Variants in ADARB2 observed in about 807,000 individuals in gnomAD.
ADARB2 encodes inactive double-stranded RNA-specific editase B2.
In ADARB2, 25 loss-of-function variants were observed where a neutral mutation model predicts 62.2. The observed-to-expected ratio is 0.40, with a 90% CI of 0.29 to 0.56. The LOEUF is 0.56. ADARB2 is among the 20% of genes least tolerant of loss of function. The probability of loss-of-function intolerance (pLI) is 0.43; values close to 1 mark genes in which losing one functional copy is unlikely to be tolerated. For missense variants in ADARB2, 1,071 were observed against 1,077.4 expected (o/e 0.99, Z 0.08); for synonymous variants, 572 against 500.8 (o/e 1.14, Z -1.90).
chr10:1,241,847 G>GA (rs1291813923), intron 5 of ADARB2, among the ~76,000 whole-genome samples: 1 of 152,246 alleles, frequency 6.6e-6, no homozygotes, highest in African/African-American at 2.4e-5. Flanking sequence ...GAGGCCAGGA[G>GA]AGGGTGGCCT....
chr10:1,712,765 C>T (rs565116711), intron 1 of ADARB2, among the ~76,000 whole-genome samples: 17 of 87,992 alleles, frequency 1.9e-4, no homozygotes, highest in African/African-American at 5.0e-4. Context: ...CCCACCACGA[C>T]GCCCAACTAA....
chr10:1,570,336 G>T (rs182426496), intron 1 of ADARB2, among the ~76,000 whole-genome samples: 2 of 152,192 alleles, frequency 1.3e-5, no homozygotes, highest in South Asian at 4.1e-4. Context: ...CCCCTTGGCG[G>T]TTGCTACCTG....
At chr10:1,317,302 G>GACTT (rs1831748142) in intron 3 of ADARB2, among the ~76,000 whole-genome samples, 1 of 152,162 alleles carries the variant, frequency 6.6e-6, no homozygotes, top group African/African-American at 2.4e-5. Context: ...TGTTCCCTGA[G>GACTT]ACTTAATCAC....
rs562937883 is a variant in ADARB2 at position 1,660,762 on chromosome 10, C to T, written c.100+76289G>A. ...CCAAAGTCTCTGAACTTTTGATCCG[C>T]ACTGTGTCAGTATACGTCTGGCCTT... On this transcript the variant is annotated intron_variant, in intron 1 of 9. Coordinates refer to ENST00000381312, the MANE Select transcript of ADARB2 (RefSeq NM_018702.4). 2.0e-5 allele frequency among the ~76,000 whole-genome samples: 3 copies of T among 152,330 alleles called. No individual in the cohort carries two copies. The South Asian group carries it at 6.2e-4, about 32-fold the overall frequency.
Position 1,626,364 on chromosome 10 carries a change from G to A in ADARB2, c.100+110687C>T, listed in dbSNP as rs60950370. The stretch of plus-strand genomic sequence containing the variant: ...TGGACACAGGCCTCCACTGGACCTC[G>A]GATGCTAACCCCATGTCTGCCCACG... On this transcript the variant is annotated intron_variant, in intron 1 of 9. Transcript: ENST00000381312. 2.7e-4 allele frequency among the ~76,000 whole-genome samples: 29 copies of A among 108,802 alleles called. 2 individuals are homozygous for A. Among genetic ancestry groups the A allele is most frequent in the African/African-American group, 8.2e-4 (25 of 30,568 alleles). The allele number at this position is 108,802 out of a possible 152,430, so 71.4% of individuals were successfully genotyped here. A position where few individuals can be genotyped will look rare whatever the true frequency, so the allele number is the denominator to read the frequency against.
At chr10:1,601,240 C>G (rs932302265) in intron 1 of ADARB2, among the ~76,000 whole-genome samples, 1 of 152,172 alleles carries the variant, frequency 6.6e-6, no homozygotes, top group African/African-American at 2.4e-5. Context: ...TTTTGTGAAG[C>G]CTGTGAGTGG....
intron 1 of ADARB2, among the ~76,000 whole-genome samples, chr10:1,665,901 C>T (rs751915177): frequency 2.0e-5 from 3 of 152,164 alleles, no homozygotes; most frequent in Non-Finnish European, 2.9e-5. Flanking sequence ...AATGAGGGTG[C>T]GGCACGGGGG....
At chr10:1,421,357 G>A (rs1406251974) in intron 1 of ADARB2, among the ~76,000 whole-genome samples, 1 of 151,942 alleles carries the variant, frequency 6.6e-6, no homozygotes, top group Non-Finnish European at 1.5e-5. Flanking sequence ...CAGTGTCTCA[G>A]GGTCAGGTTC....
chr10:1,222,406 G>A lies in ADARB2; in HGVS notation c.1514-5287C>T, dbSNP rs571593355. 3.2e-4 allele frequency among the ~76,000 whole-genome samples: 49 copies of A among 152,096 alleles called. 1 individual carries two copies. The highest frequency in any genetic ancestry group is 1.1e-3 in the African/African-American group (46 of 41,380). ...TGTTAGTTTCTTTTGCTGTGCAGAA[G>A]CTCTTTAGTTTAATTAGATCCCATT... On this transcript the variant is annotated intron_variant, in intron 6 of 9. Transcript: ENST00000381312.
At chr10:1,647,426 CAT>C (rs944392099) in intron 1 of ADARB2, among the ~76,000 whole-genome samples, 70 of 151,936 alleles carry the variant, frequency 4.6e-4, no homozygotes, top group African/African-American at 1.5e-3. Flanking sequence ...TATGTGTATA[CAT>C]ATGTGTATAC....
chr10:1,562,642 C>T (rs1832799658), intron 1 of ADARB2, among the ~76,000 whole-genome samples: 2 of 152,238 alleles, frequency 1.3e-5, no homozygotes, highest in Admixed American at 1.3e-4. Context: ...AATGACACCC[C>T]CCTGGTTGGA....
intron 1 of ADARB2, among the ~76,000 whole-genome samples, chr10:1,532,052 A>G (rs537667999): frequency 6.6e-6 from 1 of 152,268 alleles, no homozygotes; most frequent in Admixed American, 6.5e-5. Context: ...ATCAGAGCAA[A>G]ACATCCCTGG....
At position 1,706,477 on chromosome 10, in the gene ADARB2, A is replaced by G. The variant is rs149199847; in HGVS notation, c.100+30574T>C. ...CAGAAGGCCAGCCACAGGTATTTAC[A>G]TATTCAGGCAACACATTTTGTGCTG... On this transcript the variant is annotated intron_variant, in intron 1 of 9. Coordinates refer to ENST00000381312, the MANE Select transcript of ADARB2 (RefSeq NM_018702.4). Among the ~76,000 whole-genome samples the G allele has an allele frequency of 1.4e-4, 22 of 152,318 alleles. No individual in the cohort carries two copies. In the East Asian group the frequency reaches 3.9e-3, roughly 27 times the overall value.
intron 5 of ADARB2, chr10:1,240,352 C>G (rs1188065686): frequency 6.5e-6 from 1 of 152,914 alleles, no homozygotes. Context: ...TCCCTGTGTC[C>G]TGGTGTTTAC....
intron 1 of ADARB2, among the ~76,000 whole-genome samples, chr10:1,620,606 C>A (rs76865155): frequency 0.11 from 16,705 of 152,192 alleles, 1,070 homozygotes; most frequent in Non-Finnish European, 0.15. Flanking sequence ...GAAGGGGAGA[C>A]GACTCTCCAT....
chr10:1,675,732 A>G (rs1834459660), intron 1 of ADARB2, among the ~76,000 whole-genome samples: 1 of 152,022 alleles, frequency 6.6e-6, no homozygotes, highest in Non-Finnish European at 1.5e-5. Context: ...GTTCTGGCTG[A>G]CAGCCTGGAG....
intron 1 of ADARB2, among the ~76,000 whole-genome samples, chr10:1,617,216 ACTCC>A: frequency 7.1e-6 from 1 of 141,832 alleles, no homozygotes; most frequent in East Asian, 2.1e-4. Context: ...GTCCAGACAC[ACTCC>A]ACACCGCCCT....
intron 1 of ADARB2, among the ~76,000 whole-genome samples, chr10:1,564,931 A>G (rs571180408): frequency 1.5e-4 from 23 of 152,164 alleles, no homozygotes; most frequent in Non-Finnish European, 2.8e-4. Context: ...ATTTCTAGAG[A>G]ATTTGAGCAA....
intron 1 of ADARB2, among the ~76,000 whole-genome samples, chr10:1,617,768 A>G (rs920095727): frequency 6.6e-6 from 1 of 151,848 alleles, no homozygotes; most frequent in African/African-American, 2.4e-5. Context: ...GTGCAGACAC[A>G]CTCCACACCA....
Sources: gnomAD v4.1 joint callset for allele counts (sites outside exome capture counted in the v4.1 genomes callset) on GRCh38, gnomAD v4.1.1 for gene constraint, MANE v1.5 for transcripts, NCBI Gene and HGNC (gene_info 2026-07-23, HGNC 2026-07-21) for gene names.